Variants in PLD5 observed in about 807,000 individuals in gnomAD.
PLD5 encodes the protein phospholipase D family member 5, also known as inactive phospholipase D5.
In PLD5, 36 loss-of-function variants were observed where a neutral mutation model predicts 61.1. The observed-to-expected ratio is 0.59, with a 90% CI of 0.45 to 0.78. The LOEUF is 0.78. Among genes scored for constraint, PLD5 ranks in the 30% least tolerant of loss-of-function variants. The pLI is 0.00. For synonymous variants in PLD5, 243 were observed against 242.8 expected, an observed-to-expected ratio of 1.00 and a Z score of -0.01; for missense variants, 515 against 644.4, an observed-to-expected ratio of 0.80 and a Z score of 2.17.
At chr1:242,252,538 CTA>C (rs1672762638) in intron 4 of PLD5, among the ~76,000 whole-genome samples, 1 of 152,108 alleles carries the variant, frequency 6.6e-6, no homozygotes, top group South Asian at 2.1e-4. Context: ...CATAACAAGA[CTA>C]TCTCTACAAC....
intron 5 of PLD5, among the ~76,000 whole-genome samples, chr1:242,176,602 A>C (rs1667164622): frequency 6.6e-6 from 1 of 152,212 alleles, no homozygotes; most frequent in Non-Finnish European, 1.5e-5. Flanking sequence ...AATTACACTA[A>C]AGAGCTTCTG....
At chr1:242,214,495 GCTCA>G (rs1048386670) in intron 5 of PLD5, among the ~76,000 whole-genome samples, 2 of 152,132 alleles carry the variant, frequency 1.3e-5, no homozygotes, top group Admixed American at 6.5e-5. Context: ...CAAGCCCACA[GCTCA>G]CTGCCTGGCC....
intron 5 of PLD5, among the ~76,000 whole-genome samples, chr1:242,166,965 C>T (rs1379777180): frequency 6.6e-6 from 1 of 151,768 alleles, no homozygotes; most frequent in Non-Finnish European, 1.5e-5. Flanking sequence ...ATGAAAGTTC[C>T]AAAGAATGAA....
chr1:242,247,084 C>T (rs1225904937), intron 4 of PLD5, among the ~76,000 whole-genome samples: 5 of 150,938 alleles, frequency 3.3e-5, no homozygotes, highest in South Asian at 2.1e-4. Context: ...CCCGGGTTCA[C>T]GCCATTCTCC....
chr1:242,280,791 G>T (rs936028518), intron 3 of PLD5, among the ~76,000 whole-genome samples: 1 of 152,184 alleles, frequency 6.6e-6, no homozygotes, highest in Non-Finnish European at 1.5e-5. Flanking sequence ...CAGGCCACAC[G>T]AGTATTAGAT....
Position 242,239,517 on chromosome 1 carries a change from TG to T in PLD5, c.608-19403del, listed in dbSNP as rs201792572. On this transcript the variant is annotated intron_variant, in intron 4 of 9. Coordinates refer to ENST00000536534, the MANE Select transcript of PLD5 (RefSeq NM_001372062.1). ...TCCTTTATGTGTGTGGCTGAGGAAATGTATTGTATTTACTTATATGTACTCT... is the reference window on the plus strand; with the variant it reads ...TCCTTTATGTGTGTGGCTGAGGAAATTATTGTATTTACTTATATGTACTCT... 9.7e-3 allele frequency among the ~76,000 whole-genome samples: 1,479 copies of T among 152,268 alleles called. 22 individuals carry two copies. Among genetic ancestry groups the T allele is most frequent in the African/African-American group, 0.034 (1,401 of 41,550 alleles).
intron 1 of PLD5, among the ~76,000 whole-genome samples, chr1:242,478,961 G>A (rs1171410369): frequency 6.6e-6 from 1 of 152,194 alleles, no homozygotes; most frequent in Non-Finnish European, 1.5e-5. Context: ...AAGTTTTTAT[G>A]AAGTTTTTTG....
At chr1:242,260,395 G>A (rs528966609) in intron 4 of PLD5, among the ~76,000 whole-genome samples, 72 of 151,854 alleles carry the variant, frequency 4.7e-4, no homozygotes, top group South Asian at 1.2e-3. Flanking sequence ...AAGCCAAGTG[G>A]TGGCAGCAAG....
chr1:242,301,724 T>G (rs1676045549), intron 2 of PLD5, among the ~76,000 whole-genome samples: 1 of 151,830 alleles, frequency 6.6e-6, no homozygotes, highest in South Asian at 2.1e-4. Flanking sequence ...AACACTGTGT[T>G]TTTACAGACC....
chr1:242,297,680 C>A (rs772389314), intron 2 of PLD5, among the ~76,000 whole-genome samples: 1 of 142,336 alleles, frequency 7.0e-6, no homozygotes, highest in Non-Finnish European at 1.5e-5. Context: ...TCGCCCAGGC[C>A]GGACTGCGGA....
At chr1:242,133,764 T>C (rs1187324345) in intron 5 of PLD5, among the ~76,000 whole-genome samples, 1 of 152,178 alleles carries the variant, frequency 6.6e-6, no homozygotes, top group Non-Finnish European at 1.5e-5. Flanking sequence ...CTTGGCTTTA[T>C]CTAGGCAAAG....
intron 1 of PLD5, among the ~76,000 whole-genome samples, chr1:242,406,997 T>C (rs1664266026): frequency 6.6e-6 from 1 of 152,210 alleles, no homozygotes; most frequent in Non-Finnish European, 1.5e-5. Context: ...TCAAGGAATA[T>C]ATTGATATGG....
At chr1:242,265,314 T>C (rs1673604971) in intron 4 of PLD5, 23 bp downstream of exon 4, 18 of 1,596,614 alleles carry the variant, frequency 1.1e-5, no homozygotes, top group South Asian at 2.3e-5. Flanking sequence ...AGCGGTAGAA[T>C]AGCATATCAA....
chr1:242,251,850 G>A (rs1298062269), intron 4 of PLD5, among the ~76,000 whole-genome samples: 1 of 152,206 alleles, frequency 6.6e-6, no homozygotes, highest in Non-Finnish European at 1.5e-5. Context: ...AGCCTTGGAA[G>A]AGAATCAGAG....
At chr1:242,457,570 C>A (rs1196961131) in intron 1 of PLD5, among the ~76,000 whole-genome samples, 2 of 152,134 alleles carry the variant, frequency 1.3e-5, no homozygotes, top group Non-Finnish European at 2.9e-5. Flanking sequence ...TCCTGCTAGA[C>A]ACCTAAAATT....
At chr1:242,359,701 G>A (rs1055638812) in intron 1 of PLD5, among the ~76,000 whole-genome samples, 5 of 152,036 alleles carry the variant, frequency 3.3e-5, no homozygotes, top group Non-Finnish European at 7.4e-5. Flanking sequence ...TGTGCTTCAG[G>A]TTCCTTGTCT....
chr1:242,315,542 G>T (rs1159080455), intron 2 of PLD5, among the ~76,000 whole-genome samples: 1 of 152,116 alleles, frequency 6.6e-6, no homozygotes, highest in African/African-American at 2.4e-5. Context: ...GCAGCTCTAG[G>T]ATTCAATATT....
At chr1:242,519,788 A>T (rs1354958948) in intron 1 of PLD5, among the ~76,000 whole-genome samples, 2 of 152,204 alleles carry the variant, frequency 1.3e-5, no homozygotes, top group Non-Finnish European at 2.9e-5. Flanking sequence ...AGACAGCATA[A>T]CAGGCCCAAG....
chr1:242,109,922 T>C (rs1661347868), intron 7 of PLD5, among the ~76,000 whole-genome samples: 1 of 151,734 alleles, frequency 6.6e-6, no homozygotes, highest in Non-Finnish European at 1.5e-5. Flanking sequence ...ATGAACAGCA[T>C]ACCATCTCAA....
Sources: gnomAD v4.1 joint callset for allele counts (sites outside exome capture counted in the v4.1 genomes callset) on GRCh38, gnomAD v4.1.1 for gene constraint, MANE v1.5 for transcripts, NCBI Gene and HGNC (gene_info 2026-07-23, HGNC 2026-07-21) for gene names.